CNTNAP2: variants seen among roughly 807,000 people sequenced by gnomAD.
CNTNAP2 encodes contactin-associated protein-like 2.
In CNTNAP2, 98 loss-of-function variants were observed where a neutral mutation model predicts 155.2. That is an observed-to-expected ratio of 0.63 (90% CI 0.54 to 0.75). CNTNAP2 has a LOEUF of 0.75. CNTNAP2 is among the 30% of genes least tolerant of loss of function. The probability of loss-of-function intolerance (pLI) is 0.00; values close to 1 mark genes in which losing one functional copy is unlikely to be tolerated. For missense variants in CNTNAP2, 1,727 were observed against 1,688.1 expected, an observed-to-expected ratio of 1.02 and a Z score of -0.40; for synonymous variants, 651 against 631.2, an observed-to-expected ratio of 1.03 and a Z score of -0.47.
At chr7:146,451,857 A>ACATACGTG (rs1182436142) in intron 1 of CNTNAP2, among the ~76,000 whole-genome samples, 45,236 of 127,196 alleles carry the variant, frequency 0.36, 9,934 homozygotes, top group African/African-American at 0.64. Flanking sequence ...CACGTATTCT[A>ACATACGTG]TATATATATA....
intron 13 of CNTNAP2, among the ~76,000 whole-genome samples, chr7:147,739,970 C>G (rs934559175): frequency 6.6e-6 from 1 of 152,186 alleles, no homozygotes; most frequent in African/African-American, 2.4e-5. Context: ...CCATCCTTCA[C>G]ATAGTCTTAC....
chr7:146,365,431 T>A (rs528973060), intron 1 of CNTNAP2, among the ~76,000 whole-genome samples: 6 of 152,190 alleles, frequency 3.9e-5, no homozygotes, highest in African/African-American at 1.4e-4. Flanking sequence ...CAAACTCCAA[T>A]GAACTAAGCA....
intron 1 of CNTNAP2, among the ~76,000 whole-genome samples, chr7:146,643,461 G>C (rs1387341979): frequency 2.0e-5 from 3 of 152,096 alleles, no homozygotes; most frequent in African/African-American, 7.2e-5. Flanking sequence ...TCAAAGATCA[G>C]ATAGTTGTAG....
chr7:148,105,213 ACTGT>A (rs1320718084), intron 15 of CNTNAP2, among the ~76,000 whole-genome samples: 1 of 152,314 alleles, frequency 6.6e-6, no homozygotes. Context: ...CGTCAGAAAG[ACTGT>A]CTGGAGGAGG....
At chr7:148,217,599 T>G (rs1422400738) in intron 19 of CNTNAP2, 75 bp downstream of exon 19, 2 of 1,497,200 alleles carry the variant, frequency 1.3e-6, no homozygotes, top group Non-Finnish European at 1.9e-6. Context: ...GTCTATAGAT[T>G]GTTCTTGGTT....
chr7:147,841,326 C>T lies in CNTNAP2; in HGVS notation c.2099-62239C>T, dbSNP rs147472055. Among the ~76,000 whole-genome samples, 136 of 152,288 alleles carry T rather than the reference C, an allele frequency of 8.9e-4. 1 individual carries two copies. The highest frequency in any genetic ancestry group is 3.2e-3 in the African/African-American group (133 of 41,566). On this transcript the variant is annotated intron_variant, in intron 13 of 23. Coordinates refer to ENST00000361727, the MANE Select transcript of CNTNAP2 (RefSeq NM_014141.6). Reference sequence around the variant, plus strand: ...ATCGCCAACAAACACACTATCACAGCATTTGCCAGATCGTCTGTTTTCTTT... The same window carrying T: ...ATCGCCAACAAACACACTATCACAGTATTTGCCAGATCGTCTGTTTTCTTT...
At chr7:147,894,861 C>T (rs911949835) in intron 13 of CNTNAP2, among the ~76,000 whole-genome samples, 6 of 151,608 alleles carry the variant, frequency 4.0e-5, no homozygotes, top group African/African-American at 9.7e-5. Context: ...AAGCAGTCCC[C>T]AAGCATTCGC....
intron 3 of CNTNAP2, among the ~76,000 whole-genome samples, chr7:146,873,372 T>A (rs1182301894): frequency 6.6e-6 from 1 of 152,206 alleles, no homozygotes; most frequent in African/African-American, 2.4e-5. Flanking sequence ...TCTTCTCAAA[T>A]CATTTATTTT....
chr7:147,111,332 A>G (rs1346914767), intron 5 of CNTNAP2, among the ~76,000 whole-genome samples: 4 of 152,150 alleles, frequency 2.6e-5, no homozygotes, highest in Non-Finnish European at 5.9e-5. Context: ...GTTCACTCTG[A>G]TGACAGTTTC....
chr7:146,274,809 C>T (rs769175543), intron 1 of CNTNAP2, among the ~76,000 whole-genome samples: 1 of 152,190 alleles, frequency 6.6e-6, no homozygotes, highest in East Asian at 1.9e-4. Flanking sequence ...TTCTCTATAA[C>T]AGTTAACCTA....
intron 14 of CNTNAP2, among the ~76,000 whole-genome samples, chr7:147,935,501 T>C (rs1800588604): frequency 6.6e-6 from 1 of 152,254 alleles, no homozygotes; most frequent in Non-Finnish European, 1.5e-5. Flanking sequence ...AAAATTGAAT[T>C]TTATGCCACC....
intron 1 of CNTNAP2, among the ~76,000 whole-genome samples, chr7:146,769,840 T>C (rs759668489): frequency 2.4e-4 from 37 of 152,168 alleles, no homozygotes; most frequent in Admixed American, 1.4e-3. Context: ...AAATGCATGA[T>C]GTGTAACTGT....
At chr7:146,630,049 G>C (rs1166599318) in intron 1 of CNTNAP2, among the ~76,000 whole-genome samples, 2 of 151,706 alleles carry the variant, frequency 1.3e-5, no homozygotes, top group Non-Finnish European at 2.9e-5. Context: ...TGTTACCTAG[G>C]TGGTTTGCTG....
intron 8 of CNTNAP2, among the ~76,000 whole-genome samples, chr7:147,267,253 T>A (rs1211354768): frequency 1.3e-5 from 2 of 152,212 alleles, no homozygotes; most frequent in African/African-American, 4.8e-5. Flanking sequence ...TCTATCTGCA[T>A]TGCATAGCCC....
At chr7:146,896,641 T>C (rs116090119) in intron 3 of CNTNAP2, among the ~76,000 whole-genome samples, 1,570 of 152,136 alleles carry the variant, frequency 0.01, 24 homozygotes, top group African/African-American at 0.036. Flanking sequence ...TGCCATTATT[T>C]TTAATGGCAA....
intron 8 of CNTNAP2, among the ~76,000 whole-genome samples, chr7:147,223,425 T>C (rs527772282): frequency 6.6e-6 from 1 of 152,246 alleles, no homozygotes; most frequent in East Asian, 1.9e-4. Flanking sequence ...GAAAGCTTCA[T>C]GAGATGGATG....
At chr7:147,629,338 G>A (rs929444260) in intron 12 of CNTNAP2, among the ~76,000 whole-genome samples, 1 of 151,670 alleles carries the variant, frequency 6.6e-6, no homozygotes, top group African/African-American at 2.4e-5. Context: ...CAGAGGCAGA[G>A]GTTGCAGTGA....
intron 15 of CNTNAP2, among the ~76,000 whole-genome samples, chr7:148,117,912 T>C (rs1804510875): frequency 6.6e-6 from 1 of 151,462 alleles, no homozygotes; most frequent in Admixed American, 6.6e-5. Context: ...TCTTTATATG[T>C]AAATGAATAT....
At chr7:147,190,572 G>A (rs1263895002) in intron 8 of CNTNAP2, among the ~76,000 whole-genome samples, 1 of 152,170 alleles carries the variant, frequency 6.6e-6, no homozygotes, top group Admixed American at 6.5e-5. Flanking sequence ...GCAGTGAACA[G>A]TGAATGTGAC....
Sources: gnomAD v4.1 joint callset for allele counts (sites outside exome capture counted in the v4.1 genomes callset) on GRCh38, gnomAD v4.1.1 for gene constraint, MANE v1.5 for transcripts, NCBI Gene and HGNC (gene_info 2026-07-23, HGNC 2026-07-21) for gene names.